The following DPP4 variants were observed in gnomAD, a reference collection of about 807,000 sequenced individuals.
The protein encoded by DPP4 is ADCP-2.
A neutral mutation model predicts 122.4 loss-of-function variants in DPP4; 93 were observed. The observed-to-expected ratio is 0.76, with a 90% CI of 0.64 to 0.90. DPP4 has a LOEUF of 0.90. Ranked by LOEUF, DPP4 falls within the 40% of genes least tolerant of loss-of-function variation. DPP4 has a pLI of 0.00. For missense variants in DPP4, 914 were observed against 907.3 expected, an observed-to-expected ratio of 1.01 and a Z score of -0.09; for synonymous variants, 321 against 302.9, an observed-to-expected ratio of 1.06 and a Z score of -0.62.
At chr2:162,043,014 A>G (rs925025998) in intron 5 of DPP4, among the ~76,000 whole-genome samples, 1 of 152,184 alleles carries the variant, frequency 6.6e-6, no homozygotes, top group African/African-American at 2.4e-5. Flanking sequence ...TTCCATGAGG[A>G]AGCAATAGCA....
At chr2:162,033,797 A>G in intron 9 of DPP4, 144 bp from the exon 10 acceptor site, 1 of 511,412 alleles carries the variant, frequency 2.0e-6, no homozygotes, top group South Asian at 2.5e-5. Context: ...TAATATACAT[A>G]AAATGAACAT....
At chr2:161,995,151 C>T (rs2106067570) in intron 24 of DPP4, 117 bp from the exon 25 acceptor site, 1 of 1,322,362 alleles carries the variant, frequency 7.6e-7, no homozygotes, top group East Asian at 2.3e-5. Context: ...ACTCAGCATC[C>T]CATTTAGCCC....
At chr2:162,045,666 A>T (rs1234218735) in intron 4 of DPP4, 54 bp from the exon 5 acceptor site, 2 of 1,302,302 alleles carry the variant, frequency 1.5e-6, no homozygotes, top group East Asian at 4.6e-5. Flanking sequence ...CATTGCCATC[A>T]CTGTGCACTT....
intron 2 of DPP4, among the ~76,000 whole-genome samples, chr2:162,071,973 G>A (rs967563389): frequency 6.6e-6 from 1 of 152,178 alleles, no homozygotes; most frequent in Non-Finnish European, 1.5e-5. Context: ...TGATGCCTCA[G>A]TGATGTTTTG....
intron 9 of DPP4, among the ~76,000 whole-genome samples, chr2:162,034,565 C>G (rs2160927): frequency 6.6e-6 from 1 of 151,948 alleles, no homozygotes; most frequent in African/African-American, 2.4e-5. Context: ...GTGAAGAATT[C>G]CTGGTTCCCT....
At chr2:162,047,382 C>A in intron 3 of DPP4, 21 bp downstream of exon 3, 1 of 1,445,096 alleles carries the variant, frequency 6.9e-7, no homozygotes, top group South Asian at 1.4e-5. Flanking sequence ...TAAAATCTGC[C>A]CTACCCCAAA....
chr2:162,030,646 C>T lies in DPP4; in HGVS notation c.887+2895G>A, dbSNP rs73007397. On this transcript the variant is annotated intron_variant, in intron 10 of 25. Transcript: ENST00000360534. ...CCAGAAAACGGTGTATCATCATGTACTAGAGCATTTTTCCCAGAGAGCATC... is the reference window on the plus strand; with the variant it reads ...CCAGAAAACGGTGTATCATCATGTATTAGAGCATTTTTCCCAGAGAGCATC... Among the ~76,000 whole-genome samples the T allele has an allele frequency of 9.9e-3, 1,514 of 152,224 alleles. 29 individuals carry two copies. Among genetic ancestry groups the T allele is most frequent in the African/African-American group, 0.035 (1,437 of 41,524 alleles).
At position 162,046,947 on chromosome 2, in the gene DPP4, T is replaced by C; in HGVS notation, c.253A>G (p.Asn85Asp). ...NILVFNAEYGNSSVFLENSTF... is the reference protein window; with the variant it reads ...NILVFNAEYGDSSVFLENSTF... ...CTGTTCTCCAAGAAAACTGAGCTGT[T>C]TCCATATTCAGCATTGAATACCAAG... is the stretch of plus-strand genomic sequence containing the variant. Residue 85 changes from asparagine (N) to aspartate (D), a missense_variant, in exon 4 of 26, where the codon AAC becomes GAC. By Grantham distance (23) the Asn-to-Asp change is conservative. Transcript: ENST00000360534. 6.3e-7 allele frequency: 1 copy of C among 1,596,452 alleles called. No homozygotes were observed.
At chr2:162,067,841 A>T (rs1346543921) in intron 2 of DPP4, among the ~76,000 whole-genome samples, 1 of 152,220 alleles carries the variant, frequency 6.6e-6, no homozygotes, top group Non-Finnish European at 1.5e-5. Context: ...ATGATTAAAC[A>T]TTAACTCAGA....
At chr2:162,015,008 C>G (rs1682860310) in intron 18 of DPP4, among the ~76,000 whole-genome samples, 2 of 152,140 alleles carry the variant, frequency 1.3e-5, no homozygotes, top group Admixed American at 1.3e-4. Context: ...TTATATGGAG[C>G]AAACTGTTGC....
intron 5 of DPP4, among the ~76,000 whole-genome samples, chr2:162,044,746 C>A (rs191387752): frequency 6.6e-6 from 1 of 152,144 alleles, no homozygotes; most frequent in African/African-American, 2.4e-5. Context: ...TAAGCTGTAA[C>A]CTTTCCTGAA....
chr2:162,011,860 T>G lies in DPP4; in HGVS notation c.1765A>C (p.Lys589Gln). The G allele has an allele frequency of 6.2e-7, 1 of 1,613,768 alleles. No individual in the cohort carries two copies. The highest frequency in any genetic ancestry group is 8.5e-7 in the Non-Finnish European group (1 of 1,179,726). Residue 589 changes from lysine (K) to glutamine (Q), a missense_variant, in exon 20 of 26, where the codon AAG (lysine) becomes CAG (glutamine). Lys to Gln is a moderately conservative substitution (Grantham distance 53). Transcript: ENST00000360534. ...DGRGSGYQGD[K>Q]IMHAINRRLG... Reference sequence around the variant, plus strand: ...CTTCTGTTGATTGCATGCATGATCTTATCTCCTTGGTAACCACTTCCTCTG... The same window carrying G: ...CTTCTGTTGATTGCATGCATGATCTGATCTCCTTGGTAACCACTTCCTCTG...
In DPP4 at chr2:162,024,854, TGAC is replaced by T; in HGVS notation, c.970_972del (p.Val324del). The T allele has an allele frequency of 6.2e-7, 1 of 1,613,992 alleles. No homozygotes were observed. The highest frequency in any genetic ancestry group is 8.5e-7 in the Non-Finnish European group (1 of 1,180,028). ...GATTCATCATAGTCACAAATATCCA[TGAC>T]CGAATAGTTCTGAATCCTCCTGAGC... On this transcript the variant is annotated inframe_deletion, in exon 11 of 26. Coordinates refer to ENST00000360534, the MANE Select transcript of DPP4 (RefSeq NM_001935.4).
Position 162,022,806 on chromosome 2 carries a change from A to T in DPP4, c.1024-7T>A, listed in dbSNP as rs202173350. On this transcript the variant is annotated splice_region_variant and splice_polypyrimidine_tract_variant and intron_variant, in intron 11 of 25. Transcript: ENST00000360534. Reference sequence around the variant, plus strand: ...TTTCAATGTGTTGCCGTGCCTAGGAAGGGAAAGAGACAATGACAGCATTTC... The same window carrying T: ...TTTCAATGTGTTGCCGTGCCTAGGATGGGAAAGAGACAATGACAGCATTTC... The T allele has an allele frequency of 1.2e-6, 2 of 1,613,976 alleles. No homozygotes were observed. The highest frequency in any genetic ancestry group is 1.7e-5 in the Admixed American group (1 of 60,032).
chr2:162,073,539 T>C, intron 1 of DPP4, 53 bp from the exon 2 acceptor site: 1 of 1,575,552 alleles, frequency 6.3e-7, no homozygotes, highest in South Asian at 1.1e-5. Context: ...GGCCCCAGTT[T>C]CCGTAGGAGG....
intron 2 of DPP4, among the ~76,000 whole-genome samples, chr2:162,063,990 C>A (rs575966898): frequency 3.3e-5 from 5 of 152,216 alleles, no homozygotes; most frequent in South Asian, 4.2e-4. Context: ...AAACAAAGGG[C>A]CTGGTCTTGG....
At position 162,016,840 on chromosome 2, in the gene DPP4, C is replaced by A. The variant is rs200762090; in HGVS notation, c.1495G>T (p.Ala499Ser). 6.2e-7 allele frequency: 1 copy of A among 1,612,638 alleles called. No individual in the cohort carries two copies. Among genetic ancestry groups the A allele is most frequent in the African/African-American group, 1.3e-5 (1 of 74,970 alleles). ...KGLRVLEDNS[A>S]LDKMLQNVQM... ...ACATTCTGCAGCATTTTATCCAAAGCTGAATTGTCTTCCAGGACTCTCAGC... is the reference window on the plus strand; with the variant it reads ...ACATTCTGCAGCATTTTATCCAAAGATGAATTGTCTTCCAGGACTCTCAGC... The change falls in exon 18 of 26, where the codon GCT becomes TCT. Residue 499 changes from alanine (A) to serine (S), a missense_variant. By Grantham distance (99) the Ala-to-Ser change is moderately conservative. Coordinates refer to ENST00000360534, the MANE Select transcript of DPP4 (RefSeq NM_001935.4).
At position 162,071,492 on chromosome 2, in the gene DPP4, A is replaced by T. The variant is rs529978962; in HGVS notation, c.94+1907T>A. On this transcript the variant is annotated intron_variant, in intron 2 of 25. Coordinates refer to ENST00000360534, the MANE Select transcript of DPP4 (RefSeq NM_001935.4). ...CCCCATCTATACTAAAATACAAAAA[A>T]TTATCCGGGCGTGGTGGTGTGTGCC... is the stretch of plus-strand genomic sequence containing the variant. Among the ~76,000 whole-genome samples, 180 of 152,184 alleles carry T rather than the reference A, an allele frequency of 1.2e-3. 1 individual carries two copies. Among genetic ancestry groups the T allele is most frequent in the African/African-American group, 4.1e-3 (170 of 41,512 alleles).
chr2:162,016,189 A>C (rs971261273), intron 18 of DPP4, among the ~76,000 whole-genome samples: 1 of 152,182 alleles, frequency 6.6e-6, no homozygotes, highest in African/African-American at 2.4e-5. Context: ...GTTAGCCCTT[A>C]GTGGAAAAAA....
Sources: gnomAD v4.1 joint callset for allele counts (sites outside exome capture counted in the v4.1 genomes callset) on GRCh38, gnomAD v4.1.1 for gene constraint, MANE v1.5 for transcripts, NCBI Gene and HGNC (gene_info 2026-07-23, HGNC 2026-07-21) for gene names.